The following CENPW variants were observed in gnomAD, a reference collection of about 807,000 sequenced individuals.
The protein encoded by CENPW is cancer-up-regulated gene 2 protein.
A neutral mutation model predicts 11.1 loss-of-function variants in CENPW; 3 were observed. That is an observed-to-expected ratio of 0.27 (90% CI 0.12 to 0.70). CENPW has a LOEUF of 0.70. Ranked by LOEUF, CENPW falls within the 30% of genes least tolerant of loss-of-function variation. The pLI, the probability that CENPW is intolerant of heterozygous loss-of-function variation, is 0.77. For synonymous variants in CENPW, 38 were observed against 42.0 expected, an observed-to-expected ratio of 0.91 and a Z score of 0.37; for missense variants, 100 against 105.6, an observed-to-expected ratio of 0.95 and a Z score of 0.23.
chr6:126,454,286 A>G, the CENPW span, among the ~76,000 whole-genome samples: 1 of 151,416 alleles, frequency 6.6e-6, no homozygotes. Flanking sequence ...TCATGTGCAC[A>G]TGGCACATAC....
At chr6:126,434,010 C>T in the CENPW span, among the ~76,000 whole-genome samples, 2 of 152,066 alleles carry the variant, frequency 1.3e-5, no homozygotes, top group Non-Finnish European at 2.9e-5. Context: ...TTGCAGTTAT[C>T]TTCTCTCTGA....
At chr6:126,401,208 AGCTT>A in the CENPW span, among the ~76,000 whole-genome samples, 1 of 151,986 alleles carries the variant, frequency 6.6e-6, no homozygotes, top group Non-Finnish European at 1.5e-5. Context: ...CCAGCAATTG[AGCTT>A]GGTTTAGGTT....
chr6:126,381,869 T>C, the CENPW span, among the ~76,000 whole-genome samples: 1 of 152,044 alleles, frequency 6.6e-6, no homozygotes, highest in Non-Finnish European at 1.5e-5. Flanking sequence ...AGCACACAGT[T>C]CAGAAGTCCT....
At chr6:126,422,449 T>C in the CENPW span, among the ~76,000 whole-genome samples, 1 of 152,052 alleles carries the variant, frequency 6.6e-6, no homozygotes, top group Admixed American at 6.6e-5. Context: ...CATGACCACC[T>C]TTTTCTTCAT....
At chr6:126,438,816 A>G in the CENPW span, among the ~76,000 whole-genome samples, 53 of 151,868 alleles carry the variant, frequency 3.5e-4, no homozygotes, top group East Asian at 8.7e-3. Flanking sequence ...AAAATATTTT[A>G]AAGTACTTGC....
chr6:126,417,731 G>T, the CENPW span, among the ~76,000 whole-genome samples: 4 of 152,120 alleles, frequency 2.6e-5, no homozygotes, highest in Non-Finnish European at 4.4e-5. Context: ...TCTTTCTTTT[G>T]TAAATTGCCC....
At chr6:126,371,378 G>A in the CENPW span, among the ~76,000 whole-genome samples, 1 of 152,022 alleles carries the variant, frequency 6.6e-6, no homozygotes, top group Non-Finnish European at 1.5e-5. Flanking sequence ...CTGTTTATGT[G>A]TTGCATCACA....
chr6:126,373,941 A>G, the CENPW span, among the ~76,000 whole-genome samples: 9 of 152,162 alleles, frequency 5.9e-5, no homozygotes, highest in African/African-American at 9.6e-5. Flanking sequence ...TGGCTACCAC[A>G]TTGCCTGATT....
the CENPW span, among the ~76,000 whole-genome samples, chr6:126,421,328 G>A: frequency 3.6e-4 from 55 of 151,924 alleles, no homozygotes; most frequent in African/African-American, 1.2e-3. Context: ...AGATGACAAC[G>A]TTTCTTCATG....
At chr6:126,416,942 C>T in the CENPW span, among the ~76,000 whole-genome samples, 1 of 152,174 alleles carries the variant, frequency 6.6e-6, no homozygotes, top group Non-Finnish European at 1.5e-5. Context: ...AGAAGAAGAC[C>T]ACCATCTTCC....
At chr6:126,406,617 G>A in the CENPW span, among the ~76,000 whole-genome samples, 4 of 152,088 alleles carry the variant, frequency 2.6e-5, no homozygotes, top group Admixed American at 2.0e-4. Context: ...ACTTTGGGAG[G>A]CTGAGGTGGG....
chr6:126,463,200 C>G, the CENPW span, among the ~76,000 whole-genome samples: 1 of 151,900 alleles, frequency 6.6e-6, no homozygotes, highest in Non-Finnish European at 1.5e-5. Context: ...TGGGAGTGCA[C>G]ACACAAGAAG....
chr6:126,439,670 C>T, the CENPW span, among the ~76,000 whole-genome samples: 9 of 151,696 alleles, frequency 5.9e-5, no homozygotes, highest in Non-Finnish European at 1.0e-4. Context: ...CACTTGAAGA[C>T]GGCTGTAGTT....
chr6:126,361,862 G>T, the CENPW span, among the ~76,000 whole-genome samples: 1 of 152,166 alleles, frequency 6.6e-6, no homozygotes, highest in African/African-American at 2.4e-5. Flanking sequence ...GAAAGTGGGG[G>T]CTCCTCTGCT....
the CENPW span, among the ~76,000 whole-genome samples, chr6:126,385,241 C>T: frequency 2.0e-5 from 3 of 152,138 alleles, no homozygotes; most frequent in South Asian, 2.1e-4. Context: ...TTCAACCCAG[C>T]GATCCCATTA....
the CENPW span, among the ~76,000 whole-genome samples, chr6:126,366,251 T>A: frequency 6.6e-6 from 1 of 152,130 alleles, no homozygotes; most frequent in Non-Finnish European, 1.5e-5. Context: ...ACTCTGTAAT[T>A]TTAAAAAAAT....
At chr6:126,465,020 G>C in the CENPW span, among the ~76,000 whole-genome samples, 3 of 151,924 alleles carry the variant, frequency 2.0e-5, no homozygotes. Context: ...AGTACAATCA[G>C]GCGAGAAAAA....
the CENPW span, among the ~76,000 whole-genome samples, chr6:126,407,878 G>C: frequency 6.6e-6 from 1 of 152,112 alleles, no homozygotes; most frequent in Non-Finnish European, 1.5e-5. Flanking sequence ...CCATTCTGTA[G>C]GTTGTCTGTC....
chr6:126,404,823 C>T, the CENPW span, among the ~76,000 whole-genome samples: 1 of 146,572 alleles, frequency 6.8e-6, no homozygotes, highest in Non-Finnish European at 1.5e-5. Context: ...ATATTCAGCT[C>T]ATTGACCCAT....
Sources: allele counts gnomAD v4.1 joint callset (sites outside exome capture counted in the v4.1 genomes callset), GRCh38; gene constraint gnomAD v4.1.1; transcripts MANE v1.5; gene names NCBI Gene and HGNC (gene_info 2026-07-23, HGNC 2026-07-21).